Variants in STX16 observed in about 807,000 individuals in gnomAD.
The protein encoded by STX16 is syntaxin-16.
A neutral mutation model predicts 42.7 loss-of-function variants in STX16; 28 were observed. The observed-to-expected ratio is 0.66, with a 90% CI of 0.49 to 0.90. STX16 has a LOEUF of 0.90. Among genes scored for constraint, STX16 ranks in the 40% least tolerant of loss-of-function variants. STX16 has a pLI of 0.00. For synonymous variants in STX16, 156 were observed against 155.2 expected (o/e 1.00, Z -0.04); for missense variants, 361 against 420.9 (o/e 0.86, Z 1.24).
At chr20:58,667,636 A>G in intron 3 of STX16, 39 bp downstream of exon 3, 1 of 1,535,680 alleles carries the variant, frequency 6.5e-7, no homozygotes, top group Non-Finnish European at 9.0e-7. Flanking sequence ...TTGTTTTTTT[A>G]AGTAATTATG....
chr20:58,662,088 T>C (rs1320141740), intron 2 of STX16, among the ~76,000 whole-genome samples: 1 of 152,238 alleles, frequency 6.6e-6, no homozygotes, highest in East Asian at 1.9e-4. Flanking sequence ...GGGAAGTGTC[T>C]GGCCCTCTCC....
Position 58,651,514 on chromosome 20 carries a change from G to C in STX16, c.-493G>C, listed in dbSNP as rs1051287238. ...GCCTGGCTCCGGTTGTCCAAAGAGG[G>C]CCTAGGCCAGGCCTCTGGTGCGGAA... On this transcript the variant is annotated 5_prime_UTR_variant, in exon 1 of 9. Coordinates refer to ENST00000371141, the MANE Select transcript of STX16 (RefSeq NM_001001433.3). 5 of 157,896 alleles carry C rather than the reference G, an allele frequency of 3.2e-5. No homozygotes were observed. The highest frequency in any genetic ancestry group is 1.2e-4 in the African/African-American group (5 of 41,498). 9.8% of individuals were successfully genotyped at this position (157,896 alleles called of 1,614,324 possible). A position where few individuals can be genotyped will look rare whatever the true frequency, so the allele number is the denominator to read the frequency against.
chr20:58,657,042 T>C lies in STX16; in HGVS notation c.133-2581T>C, dbSNP rs1428792999. Reference sequence around the variant, plus strand: ...GCTTCAGAGCCCCGTGCTCACCTCCTGGGCCACTCTGGTGTTGGCTGCATT... The same window carrying C: ...GCTTCAGAGCCCCGTGCTCACCTCCCGGGCCACTCTGGTGTTGGCTGCATT... On this transcript the variant is annotated intron_variant, in intron 1 of 8. Coordinates refer to ENST00000371141, the MANE Select transcript of STX16 (RefSeq NM_001001433.3). This position sits in a 1 kb window ranked among gnomAD's most constrained non-coding sequence, Gnocchi z 4.2. Among the ~76,000 whole-genome samples the C allele has an allele frequency of 1.3e-5, 2 of 152,252 alleles. No individual in the cohort carries two copies. Among genetic ancestry groups the C allele is most frequent in the Non-Finnish European group, 2.9e-5 (2 of 68,044 alleles).
In STX16 at chr20:58,651,632, G is replaced by A. The variant is rs1600976760; in HGVS notation, c.-375G>A. 9.0e-6 allele frequency: 2 copies of A among 222,214 alleles called. No individual in the cohort carries two copies. The highest frequency in any genetic ancestry group is 1.8e-5 in the Non-Finnish European group (2 of 108,176). 13.8% of individuals were successfully genotyped at this position (222,214 alleles called of 1,614,324 possible). A position where few individuals can be genotyped will look rare whatever the true frequency, so the allele number is the denominator to read the frequency against. ...AGAGACCTCCGGGGGGTCTCAGGGA[G>A]TAGGGGGCTTCAGGGCCTCCCAGTC... On this transcript the variant is annotated 5_prime_UTR_variant, in exon 1 of 9. Coordinates refer to ENST00000371141, the MANE Select transcript of STX16 (RefSeq NM_001001433.3).
At chr20:58,654,628 C>CA (rs1421616703) in intron 1 of STX16, among the ~76,000 whole-genome samples, 1 of 152,168 alleles carries the variant, frequency 6.6e-6, no homozygotes, top group Non-Finnish European at 1.5e-5. Context: ...ATCTAGCTCA[C>CA]AAAAAATTTA....
chr20:58,669,570 T>C, intron 5 of STX16, 117 bp downstream of exon 5: 3 of 1,235,130 alleles, frequency 2.4e-6, no homozygotes, highest in South Asian at 3.0e-5. Flanking sequence ...CTTTTGAACA[T>C]GCTCATACCT....
chr20:58,668,359 A>C (rs746198598), intron 4 of STX16, among the ~76,000 whole-genome samples: 15 of 152,248 alleles, frequency 9.9e-5, no homozygotes, highest in Non-Finnish European at 1.9e-4. Context: ...GGACGGATTA[A>C]GTAAATATGA....
intron 4 of STX16, 149 bp from the exon 5 acceptor site, chr20:58,669,142 G>A: frequency 1.3e-6 from 1 of 765,642 alleles, no homozygotes; most frequent in Admixed American, 3.1e-5. Flanking sequence ...TATAAATGAA[G>A]CCACAGATTC....
chr20:58,659,598 T>C lies in STX16; in HGVS notation c.133-25T>C, dbSNP rs770318186. The stretch of plus-strand genomic sequence containing the variant: ...TGTGCTTTCCCCAACTGGATGGGAC[T>C]GATGGGGACAACATGTCTCTTCAGG... On this transcript the variant is annotated intron_variant, in intron 1 of 8. Transcript: ENST00000371141. 93 of 1,611,896 alleles carry C rather than the reference T, an allele frequency of 5.8e-5. 1 individual carries two copies. The South Asian group carries it at 8.3e-4, about 14-fold the overall frequency.
At chr20:58,667,318 G>GGCAAGT (rs2122974943) in intron 2 of STX16, 172 bp from the exon 3 acceptor site, 3 of 700,018 alleles carry the variant, frequency 4.3e-6, no homozygotes, top group Middle Eastern at 2.3e-4. Flanking sequence ...TTATAATACA[G>GGCAAGT]GCAAGTGCAT....
At chr20:58,673,603 TTGTC>T (rs767587811) in intron 7 of STX16, 24 bp from the exon 8 acceptor site, 5 of 1,500,930 alleles carry the variant, frequency 3.3e-6, no homozygotes, top group Admixed American at 1.7e-5. Context: ...CTATTGTTGA[TTGTC>T]TGTAACTGTC....
chr20:58,670,731 T>G (rs1456056208), intron 6 of STX16, 128 bp downstream of exon 6: 1 of 774,098 alleles, frequency 1.3e-6, no homozygotes, highest in Non-Finnish European at 2.2e-6. Context: ...ATTCATCAGG[T>G]TGTTTTGCAG....
At chr20:58,664,080 A>T (rs916555107) in intron 2 of STX16, among the ~76,000 whole-genome samples, 1 of 152,362 alleles carries the variant, frequency 6.6e-6, no homozygotes. Context: ...ATCTGTATGA[A>T]ATAGGATGGC....
In STX16 at chr20:58,679,060, G is replaced by C. The variant is rs1331467548; in HGVS notation, c.*2769G>C. On this transcript the variant is annotated 3_prime_UTR_variant, in exon 9 of 9. Coordinates refer to ENST00000371141, the MANE Select transcript of STX16 (RefSeq NM_001001433.3). Reference sequence around the variant, plus strand: ...GTCCGGGTGCAGCTCAGGTTGAGTGGAGGTAGAAGGAGAAACAGACATGTT... The same window carrying C: ...GTCCGGGTGCAGCTCAGGTTGAGTGCAGGTAGAAGGAGAAACAGACATGTT... 2 of 152,200 alleles carry C rather than the reference G, an allele frequency of 1.3e-5. No individual in the cohort carries two copies. The highest frequency in any genetic ancestry group is 1.3e-4 in the Admixed American group (2 of 15,278). The allele number at this position is 152,200 out of a possible 1,614,324, so 9.4% of individuals were successfully genotyped here. A position where few individuals can be genotyped will look rare whatever the true frequency, so the allele number is the denominator to read the frequency against.
intron 2 of STX16, among the ~76,000 whole-genome samples, chr20:58,661,506 G>T (rs553747276): frequency 3.3e-5 from 5 of 152,382 alleles, no homozygotes; most frequent in African/African-American, 7.2e-5. Flanking sequence ...CTGCCTCATC[G>T]TGGGTGCCCA....
In STX16 at chr20:58,678,758, T is replaced by G. The variant is rs531027706; in HGVS notation, c.*2467T>G. 1 of 152,382 alleles carries G rather than the reference T, an allele frequency of 6.6e-6. No homozygotes were observed. Among genetic ancestry groups the G allele is most frequent in the South Asian group, 2.1e-4 (1 of 4,826 alleles). The allele number at this position is 152,382 out of a possible 1,614,324, so 9.4% of individuals were successfully genotyped here. On this transcript the variant is annotated 3_prime_UTR_variant, in exon 9 of 9. Coordinates refer to ENST00000371141, the MANE Select transcript of STX16 (RefSeq NM_001001433.3). ...TTCTTGGGGTCCTCAAACCACTGTATTTTTCTGTTGAGCCTGTACTTGGGG... is the reference window on the plus strand; with the variant it reads ...TTCTTGGGGTCCTCAAACCACTGTAGTTTTCTGTTGAGCCTGTACTTGGGG...
intron 7 of STX16, 86 bp from the exon 8 acceptor site, chr20:58,673,545 T>C: frequency 2.3e-6 from 2 of 875,742 alleles, no homozygotes; most frequent in South Asian, 1.4e-5. Flanking sequence ...TGGATGATGA[T>C]GTCTGTAATT....
At position 58,669,395 on chromosome 20, in the gene STX16, G is replaced by T. The variant is rs760049283; in HGVS notation, c.498G>T (p.Ala166=). The change falls in exon 5 of 9, where the codon GCG becomes GCT. Residue 166 remains alanine, a synonymous_variant. Transcript: ENST00000371141. ...TTGGGAACGTGGTGGCCTCGCTGGC[G>T]CAGGCCCTGCAGGAACTCTCCACCA... ...RLLGNVVASL[A]QALQELSTSF... 2 of 1,611,892 alleles carry T rather than the reference G, an allele frequency of 1.2e-6. No homozygotes were observed. Among genetic ancestry groups the T allele is most frequent in the Non-Finnish European group, 8.5e-7 (1 of 1,179,386 alleles).
intron 1 of STX16, among the ~76,000 whole-genome samples, chr20:58,659,196 A>G (rs796650601): frequency 1.3e-4 from 19 of 151,762 alleles, no homozygotes; most frequent in African/African-American, 4.6e-4. Flanking sequence ...TTTATTTAAC[A>G]TGATAAAATT....
Sources: allele counts gnomAD v4.1 joint callset (sites outside exome capture counted in the v4.1 genomes callset), GRCh38; gene constraint gnomAD v4.1.1; non-coding constraint Gnocchi (gnomAD v3.1); transcripts MANE v1.5; gene names NCBI Gene and HGNC (gene_info 2026-07-23, HGNC 2026-07-21).